Variants in ALDH3A2 observed in about 807,000 individuals in gnomAD.
ALDH3A2 encodes aldehyde dehydrogenase family 3 member A2.
Under a neutral mutation model 51.3 loss-of-function variants are expected in ALDH3A2, and 36 were observed. That is an observed-to-expected ratio of 0.70 (90% CI 0.54 to 0.93). ALDH3A2 has a LOEUF of 0.93. Among genes scored for constraint, ALDH3A2 ranks in the 40% least tolerant of loss-of-function variants. The pLI is 0.00. For missense variants in ALDH3A2, 552 were observed against 603.1 expected (o/e 0.92, Z 0.89); for synonymous variants, 199 against 219.8 (o/e 0.91, Z 0.84).
chr17:19,673,080 A>G (rs964083109), intron 9 of ALDH3A2: 1 of 1,604,130 alleles, frequency 6.2e-7, no homozygotes, highest in South Asian at 1.1e-5. Flanking sequence ...GGTTTGGCTC[A>G]TCTTACAGTA....
rs2085115871 is a variant in ALDH3A2, at chr17:19,671,711, T to C, written c.1208-10T>C. 1.2e-6 allele frequency: 2 copies of C among 1,609,836 alleles called. No homozygotes were observed. The highest frequency in any genetic ancestry group is 1.7e-6 in the Non-Finnish European group (2 of 1,176,066). ...AGTGAAGCTTGTTTTGTCTGTTCCC[T>C]TTATTTCAGGTTCCAGTGGGATGGG... On this transcript the variant is annotated splice_polypyrimidine_tract_variant and intron_variant, in intron 8 of 9. Coordinates refer to ENST00000176643, the MANE Select transcript of ALDH3A2 (RefSeq NM_000382.3).
At chr17:19,667,734 T>C (rs2085058478) in intron 8 of ALDH3A2, among the ~76,000 whole-genome samples, 1 of 152,092 alleles carries the variant, frequency 6.6e-6, no homozygotes, top group Non-Finnish European at 1.5e-5. Context: ...AATTTTTGTA[T>C]TTTTAGTAGA....
At chr17:19,656,339 A>T (rs749405821) in intron 3 of ALDH3A2, 27 bp from the exon 4 acceptor site, 2 of 1,580,032 alleles carry the variant, frequency 1.3e-6, no homozygotes, top group Admixed American at 3.3e-5. Context: ...TTGGCAGTGC[A>T]AGAGTTTGTG....
chr17:19,674,379 T>G lies in ALDH3A2; in HGVS notation c.1444-1179T>G, dbSNP rs1200775192. 2.0e-5 allele frequency: 3 copies of G among 152,256 alleles called. No homozygotes were observed. The East Asian group carries it at 5.8e-4, about 29-fold the overall frequency. The allele number at this position is 152,256 out of a possible 1,614,324, so 9.4% of individuals were successfully genotyped here. On this transcript the variant is annotated intron_variant, in intron 9 of 9. Coordinates refer to ENST00000176643, the MANE Select transcript of ALDH3A2 (RefSeq NM_000382.3). ...AAACCCCCAAGAAGCCTCCCTCAGG[T>G]GCAGTGCAGTGTGCCAGGCAGGTTC...
intron 7 of ALDH3A2, among the ~76,000 whole-genome samples, chr17:19,664,259 G>A (rs139708233): frequency 2.0e-5 from 3 of 152,360 alleles, no homozygotes; most frequent in African/African-American, 7.2e-5. Flanking sequence ...AATGTGGGCA[G>A]GAAGGAACCC....
chr17:19,671,075 T>G (rs971802617), intron 8 of ALDH3A2, among the ~76,000 whole-genome samples: 2 of 152,222 alleles, frequency 1.3e-5, no homozygotes, highest in African/African-American at 4.8e-5. Context: ...GTCAGTCTGT[T>G]GTACACACAA....
intron 9 of ALDH3A2, chr17:19,673,271 G>A: frequency 3.1e-6 from 5 of 1,614,020 alleles, no homozygotes; most frequent in Non-Finnish European, 4.2e-6. Flanking sequence ...TCTGTTAAGA[G>A]TGAGGTAGGA....
intron 8 of ALDH3A2, among the ~76,000 whole-genome samples, chr17:19,667,420 C>G (rs1567605359): frequency 6.6e-6 from 1 of 152,066 alleles, no homozygotes. Flanking sequence ...AGTGTAATTA[C>G]TCTGTTAAAA....
intron 9 of ALDH3A2, 38 bp downstream of exon 9, chr17:19,671,994 T>G (rs1158765824): frequency 7.1e-6 from 11 of 1,558,428 alleles, no homozygotes; most frequent in Non-Finnish European, 9.7e-6. Context: ...TTCAGTCTGG[T>G]CCTGGCCTGA....
Position 19,654,763 on chromosome 17 carries a change from C to T in ALDH3A2, c.472-1603C>T, listed in dbSNP as rs1414794374. Among the ~76,000 whole-genome samples the T allele has an allele frequency of 3.3e-5, 5 of 152,132 alleles. No individual in the cohort carries two copies. The East Asian group carries it at 9.7e-4, about 30-fold the overall frequency. ...CTTGGCCAGCCCAGAGAGGGGCTCCCACAGTGCAGCTGTGGGCTGAAGGGC... is the reference window on the plus strand; with the variant it reads ...CTTGGCCAGCCCAGAGAGGGGCTCCTACAGTGCAGCTGTGGGCTGAAGGGC... On this transcript the variant is annotated intron_variant, in intron 3 of 9. Coordinates refer to ENST00000176643, the MANE Select transcript of ALDH3A2 (RefSeq NM_000382.3). The surrounding 1 kb of genome is among the most constrained non-coding windows in gnomAD (Gnocchi z 4.5).
intron 8 of ALDH3A2, among the ~76,000 whole-genome samples, chr17:19,665,866 C>T (rs2085030343): frequency 6.6e-6 from 1 of 152,216 alleles, no homozygotes; most frequent in African/African-American, 2.4e-5. Context: ...TATCCTCTCC[C>T]TTTGTAATAC....
intron 1 of ALDH3A2, 35 bp from the exon 2 acceptor site, chr17:19,651,512 A>C: frequency 6.4e-7 from 1 of 1,551,424 alleles, no homozygotes; most frequent in Non-Finnish European, 8.9e-7. Context: ...TATCATACTT[A>C]CTCTGCAAGA....
intron 3 of ALDH3A2, chr17:19,656,128 G>T: frequency 1.9e-6 from 1 of 534,996 alleles, no homozygotes; most frequent in East Asian, 3.3e-5. Flanking sequence ...CTGAGCTCAT[G>T]TAAAAAAACA....
In ALDH3A2 at chr17:19,648,950, C is replaced by T. The variant is rs1373376252; in HGVS notation, c.-22C>T. ...CACTCCCCAGCGCCCCCGGACCGTGCAGTTCTCTGCAGGACCAGGCCATGG... is the reference window on the plus strand; with the variant it reads ...CACTCCCCAGCGCCCCCGGACCGTGTAGTTCTCTGCAGGACCAGGCCATGG... On this transcript the variant is annotated 5_prime_UTR_variant, in exon 1 of 10. Transcript: ENST00000176643. 3.8e-6 allele frequency: 6 copies of T among 1,573,694 alleles called. No homozygotes were observed. Among genetic ancestry groups the T allele is most frequent in the Middle Eastern group, 2.0e-4 (1 of 4,882 alleles).
chr17:19,651,122 G>A (rs925630675), intron 1 of ALDH3A2, among the ~76,000 whole-genome samples: 2 of 152,204 alleles, frequency 1.3e-5, no homozygotes, highest in Non-Finnish European at 2.9e-5. Context: ...TGAAATGTGA[G>A]TGATAGTTAT....
At chr17:19,665,142 C>G (rs990428494) in intron 8 of ALDH3A2, 95 bp downstream of exon 8, 13 of 1,129,300 alleles carry the variant, frequency 1.2e-5, no homozygotes, top group Non-Finnish European at 1.6e-5. Flanking sequence ...CCAGCTGTTG[C>G]GTACCCTGAT....
chr17:19,669,063 G>T (rs531272817), intron 8 of ALDH3A2, among the ~76,000 whole-genome samples: 1 of 151,622 alleles, frequency 6.6e-6, no homozygotes, highest in Non-Finnish European at 1.5e-5. Context: ...TTGGGAGGCC[G>T]AGGCAGGTAG....
At chr17:19,655,734 C>T (rs1285699616) in intron 3 of ALDH3A2, among the ~76,000 whole-genome samples, 1 of 152,222 alleles carries the variant, frequency 6.6e-6, no homozygotes, top group African/African-American at 2.4e-5. Context: ...CTTAGAATAG[C>T]TGGTAATGAT....
At chr17:19,659,529 ACT>A (rs1430288993) in intron 5 of ALDH3A2, 10 of 151,682 alleles carry the variant, frequency 6.6e-5, no homozygotes, top group Admixed American at 3.9e-4. Context: ...ACAGCATAAG[ACT>A]CTGTCTCAAA....
Sources: gnomAD v4.1 joint callset for allele counts (sites outside exome capture counted in the v4.1 genomes callset) on GRCh38, gnomAD v4.1.1 for gene constraint, Gnocchi (gnomAD v3.1) non-coding constraint, MANE v1.5 for transcripts, NCBI Gene and HGNC (gene_info 2026-07-23, HGNC 2026-07-21) for gene names.